Variants in KAT2B observed in about 807,000 individuals in gnomAD.
KAT2B encodes the protein lysine acetyltransferase 2B.
In KAT2B, 36 loss-of-function variants were observed where a neutral mutation model predicts 105.9. The ratio of observed to expected loss-of-function variants is 0.34; its 90% CI spans 0.26 to 0.45. KAT2B has a LOEUF of 0.45. Among genes scored for constraint, KAT2B ranks in the 20% least tolerant of loss-of-function variants. The pLI is 1.00. For synonymous variants in KAT2B, 397 were observed against 377.9 expected, an observed-to-expected ratio of 1.05 and a Z score of -0.59; for missense variants, 820 against 1,021.6, an observed-to-expected ratio of 0.80 and a Z score of 2.69.
At position 20,111,693 on chromosome 3, in the gene KAT2B, A is replaced by T; in HGVS notation, c.949A>T (p.Thr317Ser). The change falls in exon 6 of 18, where the codon ACT (threonine) becomes TCT (serine). Residue 317 changes from threonine to serine, a missense_variant. Thr to Ser is a moderately conservative substitution (Grantham distance 58). Around this residue, in one of 6 missense-constraint regions of KAT2B, gnomAD observed 173 missense variants for 249.5 expected, o/e 0.69. Transcript: ENST00000263754. Reference sequence around the variant, plus strand: ...GAGAACATTGCTTCGCTCGGTCTTCACTGTTATGAGGCGACAACTCCTGGA... The same window carrying T: ...GAGAACATTGCTTCGCTCGGTCTTCTCTGTTATGAGGCGACAACTCCTGGA... ...FGRTLLRSVF[T>S]VMRRQLLEQA... 6.2e-7 allele frequency: 1 copy of T among 1,614,062 alleles called. No individual in the cohort carries two copies. The highest frequency in any genetic ancestry group is 8.5e-7 in the Non-Finnish European group (1 of 1,179,964).
chr3:20,123,064 A>T (rs1699338809), intron 9 of KAT2B: 1 of 563,372 alleles, frequency 1.8e-6, no homozygotes, highest in Non-Finnish European at 2.2e-6. Context: ...ATCTTGAAAA[A>T]TTTCAAGCCC....
intron 1 of KAT2B, among the ~76,000 whole-genome samples, chr3:20,064,175 A>G (rs1698186789): frequency 6.6e-6 from 1 of 152,132 alleles, no homozygotes; most frequent in South Asian, 2.1e-4. Flanking sequence ...ATAATTTGTT[A>G]TTGTCAGCTC....
At chr3:20,131,050 T>C (rs959819978) in intron 11 of KAT2B, among the ~76,000 whole-genome samples, 34 of 144,102 alleles carry the variant, frequency 2.4e-4, no homozygotes, top group African/African-American at 7.2e-4. Context: ...AGTTTTGCTC[T>C]TGTTGCCCAG....
At chr3:20,144,336 T>A (rs1055540441) in intron 13 of KAT2B, among the ~76,000 whole-genome samples, 41 of 135,044 alleles carry the variant, frequency 3.0e-4, no homozygotes, top group Non-Finnish European at 4.4e-4. Flanking sequence ...TCACCCAGGC[T>A]GGAGTGCAGT....
intron 1 of KAT2B, among the ~76,000 whole-genome samples, chr3:20,071,231 T>A (rs952875090): frequency 9.2e-5 from 14 of 152,234 alleles, no homozygotes; most frequent in Non-Finnish European, 2.1e-4. Flanking sequence ...TTGAACTAGC[T>A]GGATTTCTAG....
intron 2 of KAT2B, among the ~76,000 whole-genome samples, chr3:20,079,787 C>T (rs942074417): frequency 1.3e-5 from 2 of 152,200 alleles, no homozygotes; most frequent in South Asian, 2.1e-4. Context: ...ATGACACAGC[C>T]TCCTGAATTG....
chr3:20,154,169 A>G lies in KAT2B; in HGVS notation c.*1644A>G, dbSNP rs1699912130. The G allele has an allele frequency of 6.6e-6, 1 of 152,636 alleles. No homozygotes were observed. Among genetic ancestry groups the G allele is most frequent in the Non-Finnish European group, 1.5e-5 (1 of 68,022 alleles). 9.5% of individuals were successfully genotyped at this position (152,636 alleles called of 1,614,324 possible). ...TGTGAAAGTTTGTTATTTTCTGAGT[A>G]GACATTCTTATAGAGTATTGTCTTT... On this transcript the variant is annotated 3_prime_UTR_variant, in exon 18 of 18. Transcript: ENST00000263754.
At chr3:20,148,602 C>T (rs1190421467) in intron 17 of KAT2B, 115 bp downstream of exon 17, 17 of 758,522 alleles carry the variant, frequency 2.2e-5, no homozygotes, top group East Asian at 1.1e-4. Flanking sequence ...AAGTGTATGA[C>T]GGGTGGTGGG....
intron 1 of KAT2B, among the ~76,000 whole-genome samples, chr3:20,055,403 A>T (rs1215697133): frequency 6.6e-6 from 1 of 152,212 alleles, no homozygotes; most frequent in African/African-American, 2.4e-5. Flanking sequence ...GCCAGAAAAT[A>T]ACAGAAAGTG....
In KAT2B at chr3:20,122,727, A is replaced by ATTC; in HGVS notation, c.1337_1338insTCT (p.Met446delinsIleLeu). ...GGAGGAGGCCAAGAAACCCCGAGTT[A>ATTC]TGGGGGATATTCCGATGGAATTAAT... On this transcript the variant is annotated protein_altering_variant, in exon 9 of 18. Transcript: ENST00000263754. 2 of 1,614,032 alleles carry ATTC rather than the reference A, an allele frequency of 1.2e-6. No individual in the cohort carries two copies.
Position 20,042,630 on chromosome 3 carries a change from T to C in KAT2B, c.303+1850T>C, listed in dbSNP as rs544094900. On this transcript the variant is annotated intron_variant, in intron 1 of 17. Transcript: ENST00000263754. ...ATGCAGGAACTGTCTCAACTCAGTG[T>C]TTCTGTTCTGGCTTTATTTTAAAAT... is the stretch of plus-strand genomic sequence containing the variant. Among the ~76,000 whole-genome samples the C allele has an allele frequency of 3.3e-5, 5 of 152,328 alleles. No individual in the cohort carries two copies. In the East Asian group the frequency reaches 9.6e-4, roughly 29 times the overall value.
intron 13 of KAT2B, among the ~76,000 whole-genome samples, chr3:20,144,602 CTTTTT>C (rs200001128): frequency 1.4e-5 from 2 of 143,062 alleles, no homozygotes; most frequent in Non-Finnish European, 3.1e-5. Context: ...TTTCTTTTTT[CTTTTT>C]TTTTTTTAAG....
At chr3:20,111,279 C>T (rs566976977) in intron 5 of KAT2B, among the ~76,000 whole-genome samples, 3 of 152,124 alleles carry the variant, frequency 2.0e-5, no homozygotes, top group African/African-American at 4.8e-5. Context: ...GGCTAAATAG[C>T]GTAATCAAAT....
chr3:20,108,102 A>C (rs1213550645), intron 5 of KAT2B, among the ~76,000 whole-genome samples: 2 of 152,042 alleles, frequency 1.3e-5, no homozygotes, highest in African/African-American at 4.8e-5. Context: ...GAGCCACTGC[A>C]CCCGGCCAAA....
intron 2 of KAT2B, among the ~76,000 whole-genome samples, chr3:20,076,915 A>G (rs910599653): frequency 4.6e-5 from 7 of 152,246 alleles, no homozygotes; most frequent in African/African-American, 1.7e-4. Flanking sequence ...CACGAAATGA[A>G]ATATTCTTGA....
chr3:20,103,496 A>T (rs1203408616), intron 5 of KAT2B, among the ~76,000 whole-genome samples: 2 of 152,024 alleles, frequency 1.3e-5, no homozygotes, highest in Admixed American at 1.3e-4. Context: ...TGTAGCCTCA[A>T]CCTCCTAGAC....
intron 11 of KAT2B, among the ~76,000 whole-genome samples, chr3:20,134,019 C>T (rs1699557258): frequency 6.6e-6 from 1 of 151,708 alleles, no homozygotes; most frequent in Non-Finnish European, 1.5e-5. Flanking sequence ...ATATATGTTG[C>T]AACTACACCC....
At chr3:20,134,806 A>T (rs9861831) in intron 11 of KAT2B, among the ~76,000 whole-genome samples, 39,917 of 152,142 alleles carry the variant, frequency 0.26, 8,052 homozygotes, top group East Asian at 0.62. Flanking sequence ...AAGTCACATA[A>T]GTAATTTCAA....
intron 17 of KAT2B, among the ~76,000 whole-genome samples, chr3:20,151,042 C>T (rs1236461437): frequency 6.6e-6 from 1 of 152,132 alleles, no homozygotes; most frequent in Non-Finnish European, 1.5e-5. Context: ...AATGAGAGAA[C>T]ATTTTGATCT....
Sources: allele counts gnomAD v4.1 joint callset (sites outside exome capture counted in the v4.1 genomes callset), GRCh38; gene constraint gnomAD v4.1.1; regional missense constraint gnomAD v4.1.1; transcripts MANE v1.5; gene names NCBI Gene and HGNC (gene_info 2026-07-23, HGNC 2026-07-21).